Variants in CALN1 observed in about 807,000 individuals in gnomAD.
The protein encoded by CALN1 is calneuron 1, also known as calcium-binding protein 8.
Under a neutral mutation model 30.6 loss-of-function variants are expected in CALN1, and 17 were observed. The observed-to-expected ratio is 0.56, with a 90% CI of 0.38 to 0.83. The LOEUF is 0.83. Ranked by LOEUF, CALN1 falls within the 40% of genes least tolerant of loss-of-function variation. The pLI is 0.00. For synonymous variants in CALN1, 156 were observed against 131.4 expected (o/e 1.19, Z -1.28); for missense variants, 291 against 354.9 (o/e 0.82, Z 1.45).
chr7:71,987,694 A>G (rs888908771), intron 5 of CALN1, among the ~76,000 whole-genome samples: 1 of 152,202 alleles, frequency 6.6e-6, no homozygotes, highest in Non-Finnish European at 1.5e-5. Flanking sequence ...GGAGTCTTTG[A>G]AAGATTTTGA....
intron 5 of CALN1, among the ~76,000 whole-genome samples, chr7:71,811,313 T>C (rs1787944025): frequency 6.6e-6 from 1 of 152,160 alleles, no homozygotes; most frequent in African/African-American, 2.4e-5. Flanking sequence ...GCTGAAGCCA[T>C]CCTCCTGCCT....
At chr7:72,245,754 C>G (rs975336696) in intron 3 of CALN1, among the ~76,000 whole-genome samples, 1 of 152,194 alleles carries the variant, frequency 6.6e-6, no homozygotes, top group African/African-American at 2.4e-5. Context: ...CAGGTATCTG[C>G]GACTCCAAAG....
Position 72,354,094 on chromosome 7 carries a change from A to C in CALN1, c.119+49157T>G, listed in dbSNP as rs538301668. 7.7e-3 allele frequency among the ~76,000 whole-genome samples: 1,168 copies of C among 152,186 alleles called. 16 individuals are homozygous for C. Among genetic ancestry groups the C allele is most frequent in the African/African-American group, 0.027 (1,115 of 41,526 alleles). On this transcript the variant is annotated intron_variant, in intron 2 of 6. Coordinates refer to ENST00000395275, the MANE Select transcript of CALN1 (RefSeq NM_031468.4). ...CCCAGCTACTCGGGAGGCTGAGGCAAGAGAATCACTTGAACCCAAGAGGGG... is the reference window on the plus strand; with the variant it reads ...CCCAGCTACTCGGGAGGCTGAGGCACGAGAATCACTTGAACCCAAGAGGGG...
At chr7:72,164,052 A>G (rs62462850) in intron 3 of CALN1, among the ~76,000 whole-genome samples, 40,064 of 152,062 alleles carry the variant, frequency 0.26, 6,163 homozygotes, top group Non-Finnish European at 0.35. Context: ...CTCTAATCCA[A>G]CAACTGGTAT....
At chr7:71,949,087 T>C (rs1447063007) in intron 5 of CALN1, among the ~76,000 whole-genome samples, 2 of 147,938 alleles carry the variant, frequency 1.4e-5, no homozygotes, top group African/African-American at 5.0e-5. Context: ...TTGTTTTCCA[T>C]GCTGCCAGTT....
intron 2 of CALN1, among the ~76,000 whole-genome samples, chr7:72,338,242 C>T (rs914005227): frequency 1.3e-5 from 2 of 152,084 alleles, no homozygotes; most frequent in African/African-American, 2.4e-5. Flanking sequence ...CCTCCTCTCC[C>T]GGGTCCCCAG....
chr7:72,151,708 T>TTTG (rs1045335249), intron 3 of CALN1, among the ~76,000 whole-genome samples: 33 of 151,668 alleles, frequency 2.2e-4, no homozygotes, highest in Non-Finnish European at 2.8e-4. Context: ...AGATATCGTT[T>TTTG]TTGTTGTTGT....
intron 2 of CALN1, among the ~76,000 whole-genome samples, chr7:72,317,558 C>T (rs1330170391): frequency 6.6e-6 from 1 of 152,188 alleles, no homozygotes; most frequent in African/African-American, 2.4e-5. Flanking sequence ...GATGGGACAG[C>T]TGGGCTGCAA....
chr7:72,407,272 CACCTACCT>C (rs1316888962), intron 1 of CALN1, among the ~76,000 whole-genome samples: 1 of 152,208 alleles, frequency 6.6e-6, no homozygotes, highest in African/African-American at 2.4e-5. Context: ...CTGATAATAA[CACCTACCT>C]TTTAAAGTTA....
intron 4 of CALN1, among the ~76,000 whole-genome samples, chr7:72,072,417 A>T (rs547648303): frequency 6.6e-6 from 1 of 152,286 alleles, no homozygotes; most frequent in Admixed American, 6.5e-5. Flanking sequence ...ATCCAGCAAA[A>T]CTGTCCTTCA....
At chr7:72,394,380 G>C (rs1451717031) in intron 2 of CALN1, among the ~76,000 whole-genome samples, 1 of 152,166 alleles carries the variant, frequency 6.6e-6, no homozygotes, top group Non-Finnish European at 1.5e-5. Context: ...TGTAGCTTTA[G>C]CTATGCTTGC....
intron 1 of CALN1, among the ~76,000 whole-genome samples, chr7:72,433,133 G>T (rs1808030231): frequency 6.6e-6 from 1 of 152,078 alleles, no homozygotes; most frequent in Non-Finnish European, 1.5e-5. Context: ...ATTTTCCTCT[G>T]AATCACTCAC....
chr7:72,284,311 T>A (rs1441675875), intron 2 of CALN1, among the ~76,000 whole-genome samples: 1 of 152,124 alleles, frequency 6.6e-6, no homozygotes, highest in African/African-American at 2.4e-5. Flanking sequence ...GTTAATTAAA[T>A]AAATAAACTA....
intron 2 of CALN1, chr7:72,336,699 C>A: frequency 2.0e-6 from 2 of 985,690 alleles, no homozygotes; most frequent in Non-Finnish European, 2.4e-6. Flanking sequence ...GGCGGCGGCA[C>A]TCACCTCTTG....
chr7:72,357,818 T>TTA (rs1803323633), intron 2 of CALN1, among the ~76,000 whole-genome samples: 1 of 147,486 alleles, frequency 6.8e-6, no homozygotes, highest in Admixed American at 6.8e-5. Context: ...TTTTATATAT[T>TTA]TATATATATT....
chr7:72,019,880 A>G (rs844790), intron 5 of CALN1, among the ~76,000 whole-genome samples: 42,053 of 152,072 alleles, frequency 0.28, 8,934 homozygotes, highest in African/African-American at 0.59. Context: ...GACCACAAAT[A>G]TATACCCTTC....
intron 3 of CALN1, among the ~76,000 whole-genome samples, chr7:72,204,824 T>A (rs982239942): frequency 4.6e-5 from 7 of 152,198 alleles, no homozygotes; most frequent in African/African-American, 1.7e-4. Flanking sequence ...TGTAGTTTTT[T>A]AAACTAATAC....
the CALN1 span, among the ~76,000 whole-genome samples, chr7:72,502,130 T>C: frequency 1.3e-5 from 2 of 149,326 alleles, no homozygotes; most frequent in Non-Finnish European, 1.5e-5. Flanking sequence ...ACTGAACATT[T>C]ATGAAGTAAC....
chr7:71,983,238 T>TTG (rs1168493832), intron 5 of CALN1, among the ~76,000 whole-genome samples: 3 of 152,214 alleles, frequency 2.0e-5, no homozygotes, highest in African/African-American at 7.2e-5. Flanking sequence ...AACTCACTTC[T>TTG]TGTGTGTGTC....
Sources: allele counts gnomAD v4.1 joint callset (sites outside exome capture counted in the v4.1 genomes callset), GRCh38; gene constraint gnomAD v4.1.1; transcripts MANE v1.5; gene names NCBI Gene and HGNC (gene_info 2026-07-23, HGNC 2026-07-21).